Variants in DNAJB6 observed in about 807,000 individuals in gnomAD.
The protein encoded by DNAJB6 is dnaJ homolog subfamily B member 6.
DNAJB6 carries 16 observed loss-of-function variants against 42.7 expected under a neutral mutation model. The ratio of observed to expected loss-of-function variants is 0.37; its 90% CI spans 0.25 to 0.57. DNAJB6 has a LOEUF of 0.57. DNAJB6 is among the 20% of genes least tolerant of loss of function. The pLI is 0.74. For synonymous variants in DNAJB6, 170 were observed against 163.5 expected (o/e 1.04, Z -0.30); for missense variants, 347 against 416.8 (o/e 0.83, Z 1.46).
intron 1 of DNAJB6, among the ~76,000 whole-genome samples, chr7:157,344,668 G>A (rs1296436078): frequency 1.3e-5 from 2 of 152,106 alleles, no homozygotes; most frequent in Non-Finnish European, 2.9e-5. Flanking sequence ...AGGCTGGAGG[G>A]CATTGGTGCG....
At chr7:157,369,598 T>C (rs1257159227) in intron 5 of DNAJB6, 3 of 321,172 alleles carry the variant, frequency 9.3e-6, no homozygotes, top group African/African-American at 6.7e-5. Flanking sequence ...AACATTATTA[T>C]TAAATAGGCC....
chr7:157,340,772 C>T (rs1311686264), intron 1 of DNAJB6, among the ~76,000 whole-genome samples: 1 of 151,732 alleles, frequency 6.6e-6, no homozygotes, highest in Admixed American at 6.6e-5. Context: ...GGGTTCAAGC[C>T]ATTCTCCTGC....
chr7:157,388,356 A>C (rs1563141086), intron 8 of DNAJB6, among the ~76,000 whole-genome samples: 1 of 152,188 alleles, frequency 6.6e-6, no homozygotes, highest in Non-Finnish European at 1.5e-5. Context: ...ACCATCACTC[A>C]AGTAAGTGAT....
At chr7:157,398,642 T>C (rs1286552430) in intron 8 of DNAJB6, among the ~76,000 whole-genome samples, 2 of 152,252 alleles carry the variant, frequency 1.3e-5, no homozygotes, top group African/African-American at 4.8e-5. Context: ...CTGGCAGATC[T>C]TGTTTCTGTT....
At chr7:157,354,476 A>T (rs946013026) in intron 1 of DNAJB6, among the ~76,000 whole-genome samples, 6 of 151,122 alleles carry the variant, frequency 4.0e-5, no homozygotes, top group East Asian at 3.9e-4. Context: ...TTTTTTTTTA[A>T]AAAAATTATT....
At chr7:157,372,986 C>T (rs1304129586) in intron 5 of DNAJB6, among the ~76,000 whole-genome samples, 2 of 152,190 alleles carry the variant, frequency 1.3e-5, no homozygotes, top group African/African-American at 2.4e-5. Flanking sequence ...CTTAGGCTGG[C>T]CTCCAACCGC....
chr7:157,370,181 C>CGGGACCCTTCTTAACATTATTATTAAAT (rs1800120208), intron 5 of DNAJB6, among the ~76,000 whole-genome samples: 1 of 144,658 alleles, frequency 6.9e-6, no homozygotes, highest in African/African-American at 2.5e-5. Context: ...TATTATTAAA[C>CGGGACCCTTCTTAACATTATTATTAAAT]AGGCCCCTTC....
chr7:157,340,582 C>T (rs1347371762), intron 1 of DNAJB6, among the ~76,000 whole-genome samples: 1 of 151,866 alleles, frequency 6.6e-6, no homozygotes, highest in African/African-American at 2.4e-5. Flanking sequence ...CAAACAAAAC[C>T]CTTTATGTTT....
chr7:157,380,393 C>T (rs1800695484), intron 5 of DNAJB6: 1 of 152,178 alleles, frequency 6.6e-6, no homozygotes, highest in Non-Finnish European at 1.5e-5. Flanking sequence ...TATGATTTAA[C>T]ATCTTTGCTT....
At chr7:157,402,441 C>T (rs542387926) in intron 8 of DNAJB6, among the ~76,000 whole-genome samples, 1 of 152,334 alleles carries the variant, frequency 6.6e-6, no homozygotes, top group South Asian at 2.1e-4. Flanking sequence ...TCTTGCTGGC[C>T]GTGGGGCGGG....
chr7:157,414,267 C>G (rs1171001751), intron 9 of DNAJB6: 1 of 152,440 alleles, frequency 6.6e-6, no homozygotes, highest in Non-Finnish European at 1.5e-5. Context: ...GGTGCTGACC[C>G]CCCCACCCCG....
At chr7:157,363,097 A>T in intron 2 of DNAJB6, 64 bp from the exon 3 acceptor site, 1 of 1,135,496 alleles carries the variant, frequency 8.8e-7, no homozygotes, top group Non-Finnish European at 1.3e-6. Context: ...TAATGATGTT[A>T]GTTTCAAAAG....
intron 8 of DNAJB6, among the ~76,000 whole-genome samples, chr7:157,401,244 A>G (rs1264939593): frequency 6.6e-6 from 1 of 151,744 alleles, no homozygotes; most frequent in African/African-American, 2.4e-5. Flanking sequence ...TTTGAGAAGG[A>G]GTCTCACTCT....
At chr7:157,382,404 G>A in intron 6 of DNAJB6, 27 bp downstream of exon 6, 1 of 1,585,770 alleles carries the variant, frequency 6.3e-7, no homozygotes, top group Non-Finnish European at 8.5e-7. Context: ...TTTAATCTCT[G>A]TTATCTTAAC....
At chr7:157,357,263 C>CTT (rs1799340184) in intron 1 of DNAJB6, among the ~76,000 whole-genome samples, 1 of 67,952 alleles carries the variant, frequency 1.5e-5, no homozygotes, top group African/African-American at 5.1e-5. Context: ...TCCTTCCTTC[C>CTT]GTCCTTCCTT....
At chr7:157,346,676 G>T (rs532217434) in intron 1 of DNAJB6, among the ~76,000 whole-genome samples, 1 of 152,156 alleles carries the variant, frequency 6.6e-6, no homozygotes, top group South Asian at 2.1e-4. Context: ...TTGAATGCAG[G>T]TAACCTTTCA....
In DNAJB6 at chr7:157,416,155, A is replaced by G; in HGVS notation, c.*57A>G. 1 of 1,584,226 alleles carries G rather than the reference A, an allele frequency of 6.3e-7. No individual in the cohort carries two copies. The highest frequency in any genetic ancestry group is 8.6e-7 in the Non-Finnish European group (1 of 1,164,026). On this transcript the variant is annotated 3_prime_UTR_variant, in exon 10 of 10. Transcript: ENST00000262177. ...ACGCTGGCGCTCCACCGTGCTCGGCATGCGGTCGTGCACACGCGCTAGGTA... is the reference window on the plus strand; with the variant it reads ...ACGCTGGCGCTCCACCGTGCTCGGCGTGCGGTCGTGCACACGCGCTAGGTA...
At chr7:157,382,588 TC>T in intron 6 of DNAJB6, 1 of 372,548 alleles carries the variant, frequency 2.7e-6, no homozygotes, top group Admixed American at 4.7e-5. Context: ...GGAAATCTTC[TC>T]CTCTTAATAT....
chr7:157,359,013 C>T (rs1039634423), intron 2 of DNAJB6, among the ~76,000 whole-genome samples: 4 of 152,174 alleles, frequency 2.6e-5, no homozygotes, highest in African/African-American at 9.7e-5. Context: ...TGGGCTCCGG[C>T]CTATGCCACT....
Sources: gnomAD v4.1 joint callset for allele counts (sites outside exome capture counted in the v4.1 genomes callset) on GRCh38, gnomAD v4.1.1 for gene constraint, MANE v1.5 for transcripts, NCBI Gene and HGNC (gene_info 2026-07-23, HGNC 2026-07-21) for gene names.